The following SNTG1 variants were observed in gnomAD, a reference collection of about 807,000 sequenced individuals.
The protein encoded by SNTG1 is gamma-1-syntrophin.
In SNTG1, 39 loss-of-function variants were observed where a neutral mutation model predicts 74.7. That is an observed-to-expected ratio of 0.52 (90% CI 0.40 to 0.68). The LOEUF is 0.68. Among genes scored for constraint, SNTG1 ranks in the 30% least tolerant of loss-of-function variants. The pLI is 0.00. For synonymous variants in SNTG1, 254 were observed against 217.1 expected (o/e 1.17, Z -1.49); for missense variants, 685 against 609.5 (o/e 1.12, Z -1.30).
intron 17 of SNTG1, among the ~76,000 whole-genome samples, chr8:50,740,144 C>T (rs1343628981): frequency 6.6e-6 from 1 of 151,764 alleles, no homozygotes; most frequent in South Asian, 2.1e-4. Flanking sequence ...AACTAAAAAG[C>T]TCTGCGCAGC....
At chr8:50,357,106 C>T (rs959371685) in intron 2 of SNTG1, among the ~76,000 whole-genome samples, 5 of 152,188 alleles carry the variant, frequency 3.3e-5, no homozygotes, top group Non-Finnish European at 7.3e-5. Flanking sequence ...ACTGCCCTTC[C>T]TTCAGGAGCT....
chr8:50,369,874 T>C (rs917247855), intron 2 of SNTG1, among the ~76,000 whole-genome samples: 1 of 152,042 alleles, frequency 6.6e-6, no homozygotes, highest in African/African-American at 2.4e-5. Context: ...AAGAATGAAT[T>C]TTCTGAGTTG....
Position 50,030,798 on chromosome 8 carries a change from T to A in SNTG1, c.-103+118567T>A, listed in dbSNP as rs1356980282. ...GTTTTCTTCCACCTTATTCTTCTTT[T>A]CAAAATTGCTTTAGCTATTCTTAAA... On this transcript the variant is annotated intron_variant, in intron 1 of 18. Transcript: ENST00000642720. Among the ~76,000 whole-genome samples, 3 of 152,014 alleles carry A rather than the reference T, an allele frequency of 2.0e-5. No individual in the cohort carries two copies. The East Asian group carries it at 5.8e-4, about 29-fold the overall frequency.
intron 13 of SNTG1, among the ~76,000 whole-genome samples, chr8:50,616,071 G>A (rs2094883759): frequency 6.6e-6 from 1 of 152,126 alleles, no homozygotes; most frequent in Admixed American, 6.5e-5. Flanking sequence ...ACCTTTATGT[G>A]GTTTGAAGAG....
At chr8:50,402,637 A>G (rs2092821787) in intron 4 of SNTG1, among the ~76,000 whole-genome samples, 2 of 152,278 alleles carry the variant, frequency 1.3e-5, no homozygotes, top group Admixed American at 1.3e-4. Flanking sequence ...TACATAGAGA[A>G]TTAATTGAGA....
chr8:49,965,940 G>T (rs1161253081), intron 1 of SNTG1, among the ~76,000 whole-genome samples: 2 of 151,968 alleles, frequency 1.3e-5, no homozygotes, highest in African/African-American at 4.8e-5. Flanking sequence ...TTGAGTTCCT[G>T]CTGTTTCAGT....
At chr8:50,577,373 T>A (rs1384793537) in intron 12 of SNTG1, among the ~76,000 whole-genome samples, 1 of 152,130 alleles carries the variant, frequency 6.6e-6, no homozygotes, top group African/African-American at 2.4e-5. Flanking sequence ...CACTGTTGAA[T>A]GTGCTGTTGA....
At chr8:50,510,692 T>A (rs1051514644) in intron 9 of SNTG1, among the ~76,000 whole-genome samples, 6 of 152,172 alleles carry the variant, frequency 3.9e-5, no homozygotes, top group African/African-American at 9.6e-5. Context: ...GGTTTTCTAG[T>A]TTTTTTGCGT....
chr8:50,162,342 C>T (rs1402661686), intron 1 of SNTG1, among the ~76,000 whole-genome samples: 1 of 152,000 alleles, frequency 6.6e-6, no homozygotes, highest in African/African-American at 2.4e-5. Context: ...GCGGGCGTAT[C>T]ACGAGGTCAG....
intron 1 of SNTG1, among the ~76,000 whole-genome samples, chr8:49,980,670 C>T (rs561755207): frequency 2.0e-4 from 30 of 151,164 alleles, no homozygotes; most frequent in African/African-American, 6.5e-4. Flanking sequence ...ATAAATTGTA[C>T]TTTTATATTA....
intron 1 of SNTG1, among the ~76,000 whole-genome samples, chr8:50,095,039 C>T (rs2079875209): frequency 6.6e-6 from 1 of 152,136 alleles, no homozygotes; most frequent in South Asian, 2.1e-4. Flanking sequence ...TTATCCTAAG[C>T]AAGCTAATGC....
chr8:50,114,725 C>T (rs184872229), intron 1 of SNTG1, among the ~76,000 whole-genome samples: 4 of 152,030 alleles, frequency 2.6e-5, no homozygotes, highest in South Asian at 2.1e-4. Context: ...ATTAGCTGGG[C>T]GTAGATGTGC....
Position 49,927,102 on chromosome 8 carries a change from T to G in SNTG1, c.-103+14871T>G, listed in dbSNP as rs189533851. ...TGGCCAAAATCTAAAACACTGACAA[T>G]ACAAAATGTTGACAAGAATGTGGGG... On this transcript the variant is annotated intron_variant, in intron 1 of 18. Coordinates refer to ENST00000642720, the MANE Select transcript of SNTG1 (RefSeq NM_018967.5). Among the ~76,000 whole-genome samples, 17 of 152,166 alleles carry G rather than the reference T, an allele frequency of 1.1e-4. No individual in the cohort carries two copies. In the South Asian group the frequency reaches 2.7e-3, roughly 24 times the overall value.
At chr8:50,061,006 A>G (rs1004342685) in intron 1 of SNTG1, among the ~76,000 whole-genome samples, 8 of 152,148 alleles carry the variant, frequency 5.3e-5, no homozygotes, top group Non-Finnish European at 1.0e-4. Flanking sequence ...AGATTTGAAT[A>G]TAGTTTATTT....
intron 2 of SNTG1, among the ~76,000 whole-genome samples, chr8:50,254,948 CTTTTTTT>C (rs4006072): frequency 1.6e-4 from 14 of 85,298 alleles, no homozygotes; most frequent in East Asian, 9.8e-4. Flanking sequence ...TTTATTGCCA[CTTTTTTT>C]TTTTTTTTTT....
At chr8:50,089,618 A>G (rs1436353451) in intron 1 of SNTG1, among the ~76,000 whole-genome samples, 2 of 152,210 alleles carry the variant, frequency 1.3e-5, no homozygotes, top group South Asian at 2.1e-4. Flanking sequence ...ACACTTCTCA[A>G]AAGAAGACAT....
intron 13 of SNTG1, among the ~76,000 whole-genome samples, chr8:50,592,034 A>G (rs2094695208): frequency 6.6e-6 from 1 of 152,150 alleles, no homozygotes; most frequent in South Asian, 2.1e-4. Flanking sequence ...TGTTGCTCCC[A>G]TGCTGTCCCA....
At chr8:50,322,106 CA>C (rs2090555168) in intron 2 of SNTG1, among the ~76,000 whole-genome samples, 1 of 114,666 alleles carries the variant, frequency 8.7e-6, no homozygotes, top group Non-Finnish European at 2.0e-5. Flanking sequence ...TTGCCTTTAG[CA>C]TTTCTTCTTT....
chr8:50,491,694 C>CTTATTTATTTAT lies in SNTG1; in HGVS notation c.364-11053_364-11042dup, dbSNP rs113358818. On this transcript the variant is annotated intron_variant, in intron 8 of 18. Coordinates refer to ENST00000642720, the MANE Select transcript of SNTG1 (RefSeq NM_018967.5). ...GCAAATGCTGTGCTGTGATCCAGAA[C>CTTATTTATTTAT]TTATTTATTTATTTATTTATTTATT... Among the ~76,000 whole-genome samples, 325 of 150,510 alleles carry CTTATTTATTTAT rather than the reference C, an allele frequency of 2.2e-3. 1 individual carries two copies. Among genetic ancestry groups the CTTATTTATTTAT allele is most frequent in the Middle Eastern group, 6.8e-3 (2 of 294 alleles).
Sources: gnomAD v4.1 joint callset for allele counts (sites outside exome capture counted in the v4.1 genomes callset) on GRCh38, gnomAD v4.1.1 for gene constraint, MANE v1.5 for transcripts, NCBI Gene and HGNC (gene_info 2026-07-23, HGNC 2026-07-21) for gene names.